ITPR1: variants seen among roughly 807,000 people sequenced by gnomAD.
The protein encoded by ITPR1 is inositol 1,4,5-trisphosphate receptor type 1.
ITPR1 carries 96 observed loss-of-function variants against 318.4 expected under a neutral mutation model. That is an observed-to-expected ratio of 0.30 (90% CI 0.26 to 0.36). The LOEUF is 0.36. Among genes scored for constraint, ITPR1 ranks in the 10% least tolerant of loss-of-function variants. The probability of loss-of-function intolerance (pLI) is 1.00; values close to 1 mark genes in which losing one functional copy is unlikely to be tolerated. For synonymous variants in ITPR1, 1,312 were observed against 1,289.9 expected (o/e 1.02, Z -0.37); for missense variants, 2,440 against 3,460.2 (o/e 0.71, Z 7.40).
chr3:4,509,215 C>T (rs1331621029), intron 2 of ITPR1, among the ~76,000 whole-genome samples: 1 of 152,134 alleles, frequency 6.6e-6, no homozygotes, highest in Non-Finnish European at 1.5e-5. Context: ...ATGGAAGTTG[C>T]TTAAGGACAC....
chr3:4,708,449 G>A (rs753757909), intron 37 of ITPR1, among the ~76,000 whole-genome samples: 1 of 152,186 alleles, frequency 6.6e-6, no homozygotes, highest in Non-Finnish European at 1.5e-5. Context: ...AAGAATTTCA[G>A]CCTTTATCAT....
intron 52 of ITPR1, among the ~76,000 whole-genome samples, chr3:4,789,704 C>T (rs972154028): frequency 3.9e-5 from 6 of 152,200 alleles, no homozygotes; most frequent in African/African-American, 1.4e-4. Flanking sequence ...ACTGCAACCT[C>T]CACCTCCCGG....
At chr3:4,820,025 G>T (rs750003498) in intron 60 of ITPR1, among the ~76,000 whole-genome samples, 6 of 152,162 alleles carry the variant, frequency 3.9e-5, no homozygotes, top group Admixed American at 2.6e-4. Context: ...GGAGGGTGCT[G>T]GTGATTCTGG....
intron 40 of ITPR1, among the ~76,000 whole-genome samples, chr3:4,720,413 C>CT (rs1199001113): frequency 1.3e-5 from 2 of 152,198 alleles, no homozygotes; most frequent in African/African-American, 4.8e-5. Context: ...CTTTCCTATG[C>CT]TTTAAAGTGC....
intron 42 of ITPR1, among the ~76,000 whole-genome samples, chr3:4,730,275 T>TTG (rs10618439): frequency 3.5e-4 from 50 of 143,992 alleles, no homozygotes; most frequent in Middle Eastern, 3.5e-3. Flanking sequence ...TGCAGTTTAA[T>TTG]TGTGTGTGTG....
In ITPR1 at chr3:4,814,516, G is replaced by C. The variant is rs773763162; in HGVS notation, c.7655G>C (p.Arg2552Pro). 1 of 1,613,518 alleles carries C rather than the reference G, an allele frequency of 6.2e-7. No individual in the cohort carries two copies. Among genetic ancestry groups the C allele is most frequent in the Admixed American group, 1.7e-5 (1 of 59,988 alleles). The change falls in exon 58 of 62, where the codon CGG (arginine) becomes CCG (proline). Residue 2552 changes from arginine (R) to proline (P), a missense_variant. Arg to Pro is a moderately radical substitution (Grantham distance 103). This residue lies in a region of ITPR1 where 72 missense variants were observed against 197.7 expected (regional missense o/e 0.36). Transcript: ENST00000649015. The part of the protein sequence containing the change: ...CIVTVLSHGL[R>P]SGGGVGDVLR... The stretch of plus-strand genomic sequence containing the variant: ...GTCACTGTGCTGAGTCACGGGCTGC[G>C]GAGCGGGGGTGGAGTAGGAGATGTA...
rs150184124 is a variant in ITPR1 at position 4,683,166 on chromosome 3, A to G, written c.3162-220A>G. The stretch of plus-strand genomic sequence containing the variant: ...TCTTGTCACTTTGGCTTAAAATTTG[A>G]CTTATCTTTTAATATGACATCTTCC... On this transcript the variant is annotated intron_variant, in intron 26 of 61. Coordinates refer to ENST00000649015, the MANE Select transcript of ITPR1 (RefSeq NM_001378452.1). Among the ~76,000 whole-genome samples, 13 of 152,322 alleles carry G rather than the reference A, an allele frequency of 8.5e-5. No homozygotes were observed. The East Asian group carries it at 1.7e-3, about 20-fold the overall frequency.
intron 10 of ITPR1, among the ~76,000 whole-genome samples, chr3:4,650,346 T>C (rs1033242465): frequency 1.3e-5 from 2 of 152,226 alleles, no homozygotes; most frequent in African/African-American, 4.8e-5. Flanking sequence ...TCACCAGCAG[T>C]GTGTCAGCGT....
intron 4 of ITPR1, among the ~76,000 whole-genome samples, chr3:4,534,338 G>A (rs1344596559): frequency 6.6e-6 from 1 of 152,044 alleles, no homozygotes; most frequent in African/African-American, 2.4e-5. Context: ...TAGCTCCCCC[G>A]GTGGCGGCTA....
chr3:4,605,186 T>C (rs547505731), intron 4 of ITPR1, among the ~76,000 whole-genome samples: 1 of 152,258 alleles, frequency 6.6e-6, no homozygotes, highest in South Asian at 2.1e-4. Flanking sequence ...TTGGCCAGGC[T>C]GTCTAGAACT....
At chr3:4,678,315 T>G (rs1246883863) in intron 24 of ITPR1, among the ~76,000 whole-genome samples, 1 of 152,218 alleles carries the variant, frequency 6.6e-6, no homozygotes, top group African/African-American at 2.4e-5. Context: ...TTTTCAATTT[T>G]TTTTGTCGAG....
At chr3:4,580,930 TTC>T (rs1429744002) in intron 4 of ITPR1, among the ~76,000 whole-genome samples, 1 of 152,146 alleles carries the variant, frequency 6.6e-6, no homozygotes, top group South Asian at 2.1e-4. Flanking sequence ...CCAATATTTC[TTC>T]TGTAAATACC....
At chr3:4,801,930 A>G (rs982424280) in intron 54 of ITPR1, among the ~76,000 whole-genome samples, 1 of 152,226 alleles carries the variant, frequency 6.6e-6, no homozygotes, top group African/African-American at 2.4e-5. Context: ...CAATAAATAA[A>G]GAGTTTCACC....
chr3:4,775,399 A>G lies in ITPR1; in HGVS notation c.6137A>G (p.Glu2046Gly). The change falls in exon 47 of 62, where the codon GAA becomes GGA. Residue 2046 changes from glutamate (E) to glycine (G), a missense_variant. Glu to Gly is a moderately conservative substitution (Grantham distance 98, BLOSUM62 -2). This residue lies in a region of ITPR1 where 76 missense variants were observed against 162.1 expected (regional missense o/e 0.47). Coordinates refer to ENST00000649015, the MANE Select transcript of ITPR1 (RefSeq NM_001378452.1). Reference sequence around the variant, plus strand: ...GTAGCGCTTATCAACCAAACCCTGGAAAGTCTGACCGAATACTGTCAAGGA... The same window carrying G: ...GTAGCGCTTATCAACCAAACCCTGGGAAGTCTGACCGAATACTGTCAAGGA... ...KNVALINQTL[E>G]SLTEYCQGPC... The G allele has an allele frequency of 6.2e-7, 1 of 1,613,946 alleles. No individual in the cohort carries two copies. Among genetic ancestry groups the G allele is most frequent in the Non-Finnish European group, 8.5e-7 (1 of 1,179,796 alleles).
At chr3:4,644,891 T>C (rs1482558436) in intron 8 of ITPR1, among the ~76,000 whole-genome samples, 3 of 152,190 alleles carry the variant, frequency 2.0e-5, no homozygotes, top group Admixed American at 1.3e-4. Context: ...TTTCAGGGTG[T>C]TGCCAAGAAT....
chr3:4,632,226 G>A (rs562798839), intron 5 of ITPR1, among the ~76,000 whole-genome samples: 1 of 152,314 alleles, frequency 6.6e-6, no homozygotes, highest in Non-Finnish European at 1.5e-5. Context: ...ATGCCCATAG[G>A]GGGCTATCTT....
chr3:4,780,304 A>G (rs1223504767), intron 49 of ITPR1, among the ~76,000 whole-genome samples: 1 of 152,128 alleles, frequency 6.6e-6, no homozygotes, highest in African/African-American at 2.4e-5. Flanking sequence ...GTGCTGAAGA[A>G]TTCATGTCTC....
At chr3:4,522,097 C>T (rs1178822156) in intron 4 of ITPR1, among the ~76,000 whole-genome samples, 1 of 152,108 alleles carries the variant, frequency 6.6e-6, no homozygotes, top group East Asian at 1.9e-4. Context: ...ATGTTAGAAT[C>T]ATCTGAGGAA....
At chr3:4,592,612 A>G (rs2090479275) in intron 4 of ITPR1, among the ~76,000 whole-genome samples, 1 of 151,680 alleles carries the variant, frequency 6.6e-6, no homozygotes. Context: ...CACCCTCTCC[A>G]TGTTTCATCT....
Sources: allele counts gnomAD v4.1 joint callset (sites outside exome capture counted in the v4.1 genomes callset), GRCh38; gene constraint gnomAD v4.1.1; regional missense constraint gnomAD v4.1.1; transcripts MANE v1.5; gene names NCBI Gene and HGNC (gene_info 2026-07-23, HGNC 2026-07-21).